Variants in UTP20 observed in about 807,000 individuals in gnomAD.
UTP20 encodes the protein small subunit processome component 20 homolog.
Under a neutral mutation model 329.5 loss-of-function variants are expected in UTP20, and 164 were observed. The observed-to-expected ratio is 0.50, with a 90% confidence interval of 0.44 to 0.57. The LOEUF is 0.57. Among genes scored for constraint, UTP20 ranks in the 20% least tolerant of loss-of-function variants. UTP20 has a pLI of 0.00. For synonymous variants in UTP20, 1,151 were observed against 1,159.3 expected (o/e 0.99, Z 0.14); for missense variants, 3,055 against 3,284.2 (o/e 0.93, Z 1.71).
At chr12:101,337,591 T>G (rs1868974292) in intron 29 of UTP20, among the ~76,000 whole-genome samples, 1 of 152,236 alleles carries the variant, frequency 6.6e-6, no homozygotes, top group Non-Finnish European at 1.5e-5. Context: ...TGGTCTGTAC[T>G]CCTAACTCCT....
chr12:101,329,595 T>A, intron 27 of UTP20, 146 bp downstream of exon 27: 3 of 751,038 alleles, frequency 4.0e-6, no homozygotes, highest in Non-Finnish European at 6.2e-6. Context: ...GTAAATGATT[T>A]AAGTGAAAAT....
intron 24 of UTP20, 53 bp from the exon 25 acceptor site, chr12:101,321,451 T>C: frequency 1.2e-6 from 2 of 1,603,176 alleles, no homozygotes; most frequent in Non-Finnish European, 1.7e-6. Flanking sequence ...TCTTTCATTA[T>C]TCAAAAGCAC....
intron 38 of UTP20, among the ~76,000 whole-genome samples, chr12:101,351,313 G>A (rs1869513284): frequency 6.6e-6 from 1 of 152,076 alleles, no homozygotes; most frequent in Non-Finnish European, 1.5e-5. Context: ...TTTTAGTAGA[G>A]ATGGGGTTTC....
At position 101,369,796 on chromosome 12, in the gene UTP20, C is replaced by T; in HGVS notation, c.6460C>T (p.Gln2154Ter). The change falls in exon 49 of 62, where the codon CAG becomes TAG. Residue 2154 changes from glutamine to a stop codon, truncating the protein, a stop_gained. Transcript: ENST00000261637. LOFTEE classifies it high-confidence loss of function. ...PLPSIETKAE[Q>*]LTKHLFLLLK... ...ACCTTCCATAGAAACAAAAGCAGAG[C>T]AGCTGACAAAACACCTCTTCCTTCT... 1 of 1,612,222 alleles carries T rather than the reference C, an allele frequency of 6.2e-7. No individual in the cohort carries two copies. The highest frequency in any genetic ancestry group is 8.5e-7 in the Non-Finnish European group (1 of 1,178,314).
In UTP20 at chr12:101,299,816, T is replaced by C; in HGVS notation, c.1565T>C (p.Leu522Pro). The C allele has an allele frequency of 6.2e-7, 1 of 1,608,754 alleles. No individual in the cohort carries two copies. The highest frequency in any genetic ancestry group is 8.5e-7 in the Non-Finnish European group (1 of 1,178,598). Residue 522 changes from leucine (L) to proline (P), a missense_variant, in exon 13 of 62, where the codon CTC (leucine) becomes CCC (proline). Physicochemically the swap from Leu to Pro is moderately conservative, Grantham distance 98. This residue lies in a region of UTP20 where 2,445 missense variants were observed against 2,575.5 expected (regional missense o/e 0.95). Coordinates refer to ENST00000261637, the MANE Select transcript of UTP20 (RefSeq NM_014503.3). ...TTYLSQSWAA[L>P]VVLPHIRPLE... is the part of the protein sequence containing the mutation. The stretch of plus-strand genomic sequence containing the variant: ...TACCTTTCACAATCTTGGGCAGCCC[T>C]CGTGGTGTTACCTCATATTAGGTAA...
chr12:101,295,554 T>C lies in UTP20; in HGVS notation c.1326T>C (p.Ala442=). Residue 442 remains alanine (A), a synonymous_variant, in exon 12 of 62, where the codon GCT becomes GCC. Coordinates refer to ENST00000261637, the MANE Select transcript of UTP20 (RefSeq NM_014503.3). ...LIDDAVVKDE[A]LAILAKLILN... ...ATGATGCTGTAGTCAAAGATGAAGC[T>C]CTGGCCATTCTGGCCAAGCTCATTC... is the stretch of plus-strand genomic sequence containing the variant. The C allele has an allele frequency of 6.2e-7, 1 of 1,613,376 alleles. No individual in the cohort carries two copies. Among genetic ancestry groups the C allele is most frequent in the Non-Finnish European group, 8.5e-7 (1 of 1,179,756 alleles).
rs1302196265 is a variant in UTP20, at chr12:101,346,451, A to G, written c.4747A>G (p.Ile1583Val). The change falls in exon 38 of 62, where the codon ATC becomes GTC. Residue 1583 changes from isoleucine (I) to valine (V), a missense_variant and splice_region_variant. Ile to Val is a conservative substitution (Grantham distance 29, BLOSUM62 3). Around this residue, in one of 3 missense-constraint regions of UTP20, gnomAD observed 2,445 missense variants for 2,575.5 expected, o/e 0.95. Transcript: ENST00000261637. ...AATTCATATTTTATCTTACCCATAG[A>G]TCCACAGAAGAGCAAGAGCCTTGAA... Reference protein sequence around the residue: ...DFFENMKHIQIHRRARALKKL... With the variant: ...DFFENMKHIQVHRRARALKKL... The G allele has an allele frequency of 5.6e-6, 9 of 1,594,336 alleles. No individual in the cohort carries two copies. The highest frequency in any genetic ancestry group is 7.7e-6 in the Non-Finnish European group (9 of 1,173,810).
chr12:101,306,570 G>A lies in UTP20; in HGVS notation c.1933-129G>A, dbSNP rs144091007. On this transcript the variant is annotated intron_variant, in intron 16 of 61. Transcript: ENST00000261637. Reference sequence around the variant, plus strand: ...GAATATGAAATAAGGGCTAGAATAGGCACATATTACTCTGGTCAAATGGTA... The same window carrying A: ...GAATATGAAATAAGGGCTAGAATAGACACATATTACTCTGGTCAAATGGTA... The A allele has an allele frequency of 5.3e-4, 389 of 734,724 alleles. 2 individuals carry two copies. The African/African-American group carries it at 6.1e-3, about 12-fold the overall frequency. 45.5% of individuals were successfully genotyped at this position (734,724 alleles called of 1,614,324 possible).
In UTP20 at chr12:101,291,669, C is replaced by T. The variant is rs532172509; in HGVS notation, c.892-73C>T. On this transcript the variant is annotated intron_variant, in intron 8 of 61. Coordinates refer to ENST00000261637, the MANE Select transcript of UTP20 (RefSeq NM_014503.3). ...GAGAATGGGAAAAGTTGAACTGTCCCACAGTTTTTATTGTTGGATTAACAG... is the reference window on the plus strand; with the variant it reads ...GAGAATGGGAAAAGTTGAACTGTCCTACAGTTTTTATTGTTGGATTAACAG... The T allele has an allele frequency of 2.6e-5, 38 of 1,450,422 alleles. No individual in the cohort carries two copies. The African/African-American group carries it at 5.0e-4, about 19-fold the overall frequency. The allele number at this position is 1,450,422 out of a possible 1,614,324, so 89.8% of individuals were successfully genotyped here. A position where few individuals can be genotyped will look rare whatever the true frequency, so the allele number is the denominator to read the frequency against.
intron 54 of UTP20, among the ~76,000 whole-genome samples, chr12:101,374,051 C>G: frequency 6.6e-6 from 1 of 151,518 alleles, no homozygotes; most frequent in Non-Finnish European, 1.5e-5. Context: ...CCGGCTAAAA[C>G]GGTGAAACCC....
At chr12:101,323,242 TTTG>T (rs1320430052) in intron 25 of UTP20, among the ~76,000 whole-genome samples, 1 of 152,366 alleles carries the variant, frequency 6.6e-6, no homozygotes, top group African/African-American at 2.4e-5. Context: ...GTCTGTAGTT[TTTG>T]TTGTTTATTT....
intron 57 of UTP20, 87 bp downstream of exon 57, chr12:101,379,645 G>A: frequency 7.1e-7 from 1 of 1,405,642 alleles, no homozygotes; most frequent in Non-Finnish European, 9.6e-7. Context: ...CCAGCCCTTG[G>A]GAGAAACTCT....
chr12:101,380,987 T>C (rs1346651866), intron 57 of UTP20, among the ~76,000 whole-genome samples, 153 bp from the exon 58 acceptor site: 2 of 152,142 alleles, frequency 1.3e-5, no homozygotes, highest in East Asian at 3.8e-4. Context: ...ACACCACTTC[T>C]GGTCATGAAC....
rs1275677714 is a variant in UTP20, at chr12:101,365,589, T to G, written c.6089T>G (p.Ile2030Ser). 2.5e-6 allele frequency: 4 copies of G among 1,587,430 alleles called. No individual in the cohort carries two copies. In the South Asian group the frequency reaches 4.7e-5, roughly 19 times the overall value. ...ATTCTATTACTCAGTTATGGTTTGA[T>G]CAGTGAAAATCTTCCCCTGTTAACA... ...ESILLLSYGL[I>S]SENLPLLTEK... Residue 2030 changes from isoleucine to serine, a missense_variant, in exon 46 of 62, where the codon ATC becomes AGC. Around this residue, in one of 3 missense-constraint regions of UTP20, gnomAD observed 2,445 missense variants for 2,575.5 expected, o/e 0.95. Coordinates refer to ENST00000261637, the MANE Select transcript of UTP20 (RefSeq NM_014503.3).
In UTP20 at chr12:101,357,023, G is replaced by A; in HGVS notation, c.5632G>A (p.Val1878Met). 6.2e-7 allele frequency: 1 copy of A among 1,613,850 alleles called. No individual in the cohort carries two copies. The highest frequency in any genetic ancestry group is 8.5e-7 in the Non-Finnish European group (1 of 1,179,846). Residue 1878 changes from valine to methionine, a missense_variant, in exon 43 of 62, where the codon GTG (valine) becomes ATG (methionine). Val to Met is a conservative substitution (Grantham distance 21). This residue lies in a region of UTP20 where 2,445 missense variants were observed against 2,575.5 expected (regional missense o/e 0.95). Coordinates refer to ENST00000261637, the MANE Select transcript of UTP20 (RefSeq NM_014503.3). ...TGCGAAAATAATAGAGGATCTTGGT[G>A]TGCACTTCCTCCTATATGTTTTAAA... ...TLAKIIEDLG[V>M]HFLLYVLKEL...
At chr12:101,379,690 A>G in intron 57 of UTP20, 132 bp downstream of exon 57, 1 of 957,312 alleles carries the variant, frequency 1.0e-6, no homozygotes, top group Non-Finnish European at 1.5e-6. Context: ...GTGAATCAAT[A>G]GGAATATTAG....
intron 1 of UTP20, 29 bp downstream of exon 1, chr12:101,280,356 G>A (rs1318689548): frequency 3.2e-6 from 5 of 1,551,572 alleles, no homozygotes; most frequent in South Asian, 1.2e-5. Flanking sequence ...GCAGGGAGCC[G>A]CGGGTCTCCG....
At chr12:101,280,654 C>G (rs1005876130) in intron 1 of UTP20, among the ~76,000 whole-genome samples, 8 of 152,174 alleles carry the variant, frequency 5.3e-5, no homozygotes, top group African/African-American at 1.9e-4. Flanking sequence ...TTGGGCGAGT[C>G]GGCTGGCGGT....
intron 37 of UTP20, among the ~76,000 whole-genome samples, chr12:101,345,914 T>G (rs1869308131): frequency 6.6e-6 from 1 of 152,230 alleles, no homozygotes; most frequent in Non-Finnish European, 1.5e-5. Context: ...TAGTGTCGCT[T>G]TTCTCTGCCT....
Sources: gnomAD v4.1 joint callset for allele counts (sites outside exome capture counted in the v4.1 genomes callset) on GRCh38, gnomAD v4.1.1 for gene constraint, gnomAD v4.1.1 regional missense constraint, MANE v1.5 for transcripts, NCBI Gene and HGNC (gene_info 2026-07-23, HGNC 2026-07-21) for gene names.